The following STK11IP variants were observed in gnomAD, a reference collection of about 807,000 sequenced individuals.
STK11IP encodes serine/threonine-protein kinase 11-interacting protein.
A neutral mutation model predicts 131.7 loss-of-function variants in STK11IP; 103 were observed. The observed-to-expected ratio is 0.78, with a 90% CI of 0.67 to 0.92. The LOEUF is 0.92. Among genes scored for constraint, STK11IP ranks in the 40% least tolerant of loss-of-function variants. The pLI, the probability that STK11IP is intolerant of heterozygous loss-of-function variation, is 0.00. For missense variants in STK11IP, 1,315 were observed against 1,385.7 expected (o/e 0.95, Z 0.81); for synonymous variants, 557 against 575.6 (o/e 0.97, Z 0.46).
chr2:219,609,122 C>T lies in STK11IP; in HGVS notation c.1835C>T (p.Pro612Leu). Residue 612 changes from proline to leucine, a missense_variant, in exon 16 of 25, where the codon CCC becomes CTC. Coordinates refer to ENST00000456909, the MANE Select transcript of STK11IP (RefSeq NM_052902.4). ...PTGSDLLPGA[P>L]ILSLRFSYIC... is the part of the protein sequence containing the mutation. ...GGCTCAGATCTGCTCCCTGGAGCCC[C>T]CATCCTCAGTCTGCGCTTCTCCTAC... The T allele has an allele frequency of 6.2e-7, 1 of 1,606,068 alleles. No individual in the cohort carries two copies. The highest frequency in any genetic ancestry group is 8.5e-7 in the Non-Finnish European group (1 of 1,176,502).
chr2:219,611,752 T>C lies in STK11IP; in HGVS notation c.2253T>C (p.His751=), dbSNP rs1425181740. Residue 751 remains histidine, a synonymous_variant, in exon 18 of 25, where the codon CAT becomes CAC. Coordinates refer to ENST00000456909, the MANE Select transcript of STK11IP (RefSeq NM_052902.4). ...SASPVCHPPG[H]GDHLDRAKNS... ...GCCCTGTCTGCCACCCTCCTGGCCA[T>C]GGTGACCACCTTGACAGGGCCAAGA... is the stretch of plus-strand genomic sequence containing the variant. 5 of 1,613,060 alleles carry C rather than the reference T, an allele frequency of 3.1e-6. No homozygotes were observed. The highest frequency in any genetic ancestry group is 4.2e-6 in the Non-Finnish European group (5 of 1,179,878).
Position 219,602,557 on chromosome 2 carries a change from C to T in STK11IP, c.528C>T (p.Thr176=), listed in dbSNP as rs376217761. The change falls in exon 6 of 25, where the codon ACC becomes ACT. Residue 176 remains threonine, a synonymous_variant. Coordinates refer to ENST00000456909, the MANE Select transcript of STK11IP (RefSeq NM_052902.4). The part of the protein sequence containing the change: ...LSANFSYNAL[T]ALDSSLRLLS... ...CCAACTTCAGCTACAATGCACTGACCGCCTTAGACAGCTCCCTGGTGAGTG... is the reference window on the plus strand; with the variant it reads ...CCAACTTCAGCTACAATGCACTGACTGCCTTAGACAGCTCCCTGGTGAGTG... 52 of 1,614,010 alleles carry T rather than the reference C, an allele frequency of 3.2e-5. No individual in the cohort carries two copies. In the East Asian group the frequency reaches 4.0e-4, roughly 12 times the overall value.
rs538502483 is a variant in STK11IP, at chr2:219,612,913, A to G, written c.2440-215A>G. 544 of 545,946 alleles carry G rather than the reference A, an allele frequency of 1.0e-3. 3 individuals carry two copies. Among genetic ancestry groups the G allele is most frequent in the African/African-American group, 9.4e-3 (493 of 52,402 alleles). The allele number at this position is 545,946 out of a possible 1,614,324, so 33.8% of individuals were successfully genotyped here. On this transcript the variant is annotated intron_variant, in intron 19 of 24. Coordinates refer to ENST00000456909, the MANE Select transcript of STK11IP (RefSeq NM_052902.4). ...GGAGGGGGTGAGGCGACAGGCAGGGAAGCCAGCTGCTGAGGCTCTGAGCGG... is the reference window on the plus strand; with the variant it reads ...GGAGGGGGTGAGGCGACAGGCAGGGGAGCCAGCTGCTGAGGCTCTGAGCGG...
intron 2 of STK11IP, among the ~76,000 whole-genome samples, chr2:219,600,331 A>G (rs1364128999): frequency 1.3e-5 from 2 of 151,672 alleles, no homozygotes; most frequent in East Asian, 3.9e-4. Context: ...GTTGGTCCTG[A>G]ACTCCTGACC....
rs543517557 is a variant in STK11IP at position 219,606,040 on chromosome 2, T to C, written c.830T>C (p.Leu277Pro). The C allele has an allele frequency of 1.7e-5, 27 of 1,605,634 alleles. 1 individual carries two copies. In the South Asian group the frequency reaches 2.7e-4, roughly 16 times the overall value. Residue 277 changes from leucine (L) to proline (P), a missense_variant, in exon 9 of 25, where the codon CTG becomes CCG. Coordinates refer to ENST00000456909, the MANE Select transcript of STK11IP (RefSeq NM_052902.4). ...CACCGGGAGCTGTCACCACTGTGGC[T>C]GCTGGCTGAGCTCCGCAAGGTGAGA... ...EGHRELSPLW[L>P]LAELRKLYLE...
intron 2 of STK11IP, among the ~76,000 whole-genome samples, chr2:219,600,067 T>G (rs1697936547): frequency 1.4e-5 from 2 of 141,540 alleles, no homozygotes; most frequent in African/African-American, 2.7e-5. Context: ...TTGTTTTTTT[T>G]TTTTTTTTTT....
At chr2:219,609,299 C>T (rs1273100959) in intron 16 of STK11IP, 64 bp from the exon 17 acceptor site, 1 of 1,588,064 alleles carries the variant, frequency 6.3e-7, no homozygotes, top group Admixed American at 1.8e-5. Flanking sequence ...GGGCCGGGGG[C>T]CTGTGGGAGG....
intron 14 of STK11IP, 27 bp downstream of exon 14, chr2:219,608,457 C>A: frequency 6.5e-7 from 1 of 1,537,582 alleles, no homozygotes; most frequent in Non-Finnish European, 8.8e-7. Context: ...CTGGGGCGAG[C>A]TGAGGCCAGG....
At chr2:219,601,824 C>G (rs1239446292) in intron 4 of STK11IP, 109 bp downstream of exon 4, 2 of 1,297,976 alleles carry the variant, frequency 1.5e-6, no homozygotes, top group Admixed American at 4.0e-5. Flanking sequence ...CTGAGTATAC[C>G]CATTGCTCTG....
In STK11IP at chr2:219,606,745, C is replaced by G; in HGVS notation, c.1021C>G (p.Pro341Ala). ...HTSLGLSPMG[P>A]PLPWPVGSTP... is the part of the protein sequence containing the mutation. ...ATCCTTGGGGCTCAGCCCCATGGGC[C>G]CACCTTTGCCCTGGCCAGTGGGGAG... The change falls in exon 12 of 25, where the codon CCA (proline) becomes GCA (alanine). Residue 341 changes from proline to alanine, a missense_variant. Pro to Ala is a conservative substitution (Grantham distance 27). Transcript: ENST00000456909. The G allele has an allele frequency of 6.2e-7, 1 of 1,613,190 alleles. No homozygotes were observed. The highest frequency in any genetic ancestry group is 8.5e-7 in the Non-Finnish European group (1 of 1,179,456).
In STK11IP at chr2:219,600,913, T is replaced by C. The variant is rs555726937; in HGVS notation, c.62-322T>C. 2.0e-5 allele frequency among the ~76,000 whole-genome samples: 3 copies of C among 152,336 alleles called. No homozygotes were observed. In the East Asian group the frequency reaches 5.8e-4, roughly 29 times the overall value. On this transcript the variant is annotated intron_variant, in intron 2 of 24. Coordinates refer to ENST00000456909, the MANE Select transcript of STK11IP (RefSeq NM_052902.4). ...GGGGTGTCTCATAACAAGAGAGAAC[T>C]GTGAACCAAGCTGGCTGTATTTCCA...
intron 2 of STK11IP, 71 bp downstream of exon 2, chr2:219,598,251 G>A (rs1031896488): frequency 5.2e-6 from 6 of 1,155,448 alleles, no homozygotes; most frequent in Non-Finnish European, 7.3e-6. Flanking sequence ...CTGGAGACAC[G>A]CCCTGAGAGT....
Position 219,606,837 on chromosome 2 carries a change from G to T in STK11IP, c.1113G>T (p.Gln371His). 1.2e-6 allele frequency: 2 copies of T among 1,612,586 alleles called. No individual in the cohort carries two copies. The change falls in exon 12 of 25, where the codon CAG (glutamine) becomes CAT (histidine). Residue 371 changes from glutamine (Q) to histidine (H), a missense_variant. Coordinates refer to ENST00000456909, the MANE Select transcript of STK11IP (RefSeq NM_052902.4). Reference sequence around the variant, plus strand: ...TCTCCTCAGGGGGTGTTGTGACCCAGCCCCTGCTTCATAAGGTTAAGGTAA... The same window carrying T: ...TCTCCTCAGGGGGTGTTGTGACCCATCCCCTGCTTCATAAGGTTAAGGTAA... Reference protein sequence around the residue: ...DSLSSGGVVTQPLLHKVKSRV... With the variant: ...DSLSSGGVVTHPLLHKVKSRV...
chr2:219,601,343 C>A lies in STK11IP; in HGVS notation c.170C>A (p.Thr57Lys). Residue 57 changes from threonine (T) to lysine (K), a missense_variant, in exon 3 of 25, where the codon ACA becomes AAA. Thr to Lys is a moderately conservative substitution (Grantham distance 78, BLOSUM62 -1). Coordinates refer to ENST00000456909, the MANE Select transcript of STK11IP (RefSeq NM_052902.4). ...LHLGPWGPGQ[T>K]GFVALPSHPA... ...CTGGGGCCATGGGGCCCTGGCCAGA[C>A]AGGCTTTGTGGCTCTGCCCTCCCAT... The A allele has an allele frequency of 6.2e-7, 1 of 1,614,088 alleles. No homozygotes were observed. Among genetic ancestry groups the A allele is most frequent in the Non-Finnish European group, 8.5e-7 (1 of 1,179,906 alleles).
intron 18 of STK11IP, 39 bp from the exon 19 acceptor site, chr2:219,611,916 G>A (rs779013978): frequency 1.3e-6 from 2 of 1,572,014 alleles, no homozygotes; most frequent in South Asian, 1.2e-5. Context: ...GAGCCCAGGG[G>A]CTGCCATGGG....
chr2:219,605,663 C>A lies in STK11IP; in HGVS notation c.674C>A (p.Pro225Gln). 6.4e-7 allele frequency: 1 copy of A among 1,560,530 alleles called. No individual in the cohort carries two copies. Among genetic ancestry groups the A allele is most frequent in the East Asian group, 2.4e-5 (1 of 41,852 alleles). ...TCCTATAATCGCCTGCATTTGGTGC[C>A]AAGAATGGGACCCTCAGGGGCTGCT... ...DISYNRLHLVPRMGPSGAALG... is the reference protein window; with the variant it reads ...DISYNRLHLVQRMGPSGAALG... The change falls in exon 8 of 25, where the codon CCA becomes CAA. Residue 225 changes from proline to glutamine, a missense_variant. By Grantham distance (76) the Pro-to-Gln change is moderately conservative. Coordinates refer to ENST00000456909, the MANE Select transcript of STK11IP (RefSeq NM_052902.4).
Position 219,616,178 on chromosome 2 carries a change from G to A in STK11IP, c.3252G>A (p.Leu1084=), listed in dbSNP as rs748422786. The A allele has an allele frequency of 1.2e-6, 2 of 1,613,500 alleles. No individual in the cohort carries two copies. The highest frequency in any genetic ancestry group is 1.3e-5 in the African/African-American group (1 of 75,050). Residue 1084 remains leucine (L), a synonymous_variant, in exon 25 of 25, where the codon CTG becomes CTA. Coordinates refer to ENST00000456909, the MANE Select transcript of STK11IP (RefSeq NM_052902.4). ...TCCGGACAGTGATCCAAGAGGCGCTGGCCCTTGACCGATGAGGGTCCCACG... is the reference window on the plus strand; with the variant it reads ...TCCGGACAGTGATCCAAGAGGCGCTAGCCCTTGACCGATGAGGGTCCCACG... The part of the protein sequence containing the change: ...IGLRTVIQEA[L]ALDR
Position 219,609,486 on chromosome 2 carries a change from C to G in STK11IP, c.2050C>G (p.Pro684Ala), listed in dbSNP as rs773907477. Residue 684 changes from proline to alanine, a missense_variant, in exon 17 of 25, where the codon CCC (proline) becomes GCC (alanine). Pro to Ala is a conservative substitution (Grantham distance 27, BLOSUM62 -1). Transcript: ENST00000456909. ...RCGHEFKPEE[P>A]RMGLDSEEGW... ...TGGCCATGAGTTCAAGCCAGAGGAGCCCAGGATGGGATTAGACAGTGAGGA... is the reference window on the plus strand; with the variant it reads ...TGGCCATGAGTTCAAGCCAGAGGAGGCCAGGATGGGATTAGACAGTGAGGA... 6.2e-7 allele frequency: 1 copy of G among 1,602,110 alleles called. No individual in the cohort carries two copies. The highest frequency in any genetic ancestry group is 2.2e-5 in the East Asian group (1 of 44,540).
chr2:219,608,989 C>T, intron 15 of STK11IP, 108 bp from the exon 16 acceptor site: 1 of 1,076,352 alleles, frequency 9.3e-7, no homozygotes, highest in Admixed American at 2.2e-5. Context: ...CAGTACAGGC[C>T]TTTGACAGGC....
Sources: allele counts gnomAD v4.1 joint callset (sites outside exome capture counted in the v4.1 genomes callset), GRCh38; gene constraint gnomAD v4.1.1; transcripts MANE v1.5; gene names NCBI Gene and HGNC (gene_info 2026-07-23, HGNC 2026-07-21).